The following GPC5 variants were observed in gnomAD, a reference collection of about 807,000 sequenced individuals.
The protein encoded by GPC5 is glypican 5.
In GPC5, 47 loss-of-function variants were observed where a neutral mutation model predicts 53.9. The observed-to-expected ratio is 0.87, with a 90% CI of 0.69 to 1.11. The LOEUF (loss-of-function observed/expected upper bound fraction) is 1.11. Ranked by LOEUF, GPC5 falls within the 50% of genes most tolerant of loss-of-function variation. The pLI is 0.00. For missense variants in GPC5, 748 were observed against 713.1 expected (o/e 1.05, Z -0.56); for synonymous variants, 286 against 263.3 (o/e 1.09, Z -0.84).
At chr13:92,804,428 T>C (rs1877019629) in intron 7 of GPC5, among the ~76,000 whole-genome samples, 2 of 152,020 alleles carry the variant, frequency 1.3e-5, no homozygotes, top group African/African-American at 4.8e-5. Flanking sequence ...ATTTTCGGTT[T>C]CCTCATGCAT....
intron 2 of GPC5, among the ~76,000 whole-genome samples, chr13:91,679,762 G>A (rs2035464937): frequency 6.6e-6 from 1 of 152,076 alleles, no homozygotes; most frequent in South Asian, 2.1e-4. Flanking sequence ...AAAAATTATT[G>A]ACTGTTAAAT....
intron 6 of GPC5, among the ~76,000 whole-genome samples, chr13:91,968,589 G>A (rs2040211885): frequency 6.6e-6 from 1 of 151,926 alleles, no homozygotes; most frequent in Non-Finnish European, 1.5e-5. Flanking sequence ...AGCCTCCCAA[G>A]TATCTGGGAC....
At chr13:91,654,250 C>T (rs2034792609) in intron 2 of GPC5, among the ~76,000 whole-genome samples, 1 of 152,104 alleles carries the variant, frequency 6.6e-6, no homozygotes, top group Non-Finnish European at 1.5e-5. Flanking sequence ...TTTAAAATTG[C>T]ACATAGATCC....
rs1435627343 is a variant in GPC5 at position 92,474,416 on chromosome 13, A to G, written c.1561+329427A>G. ...TGTGTTACGGTGGCCATTTGCATTT[A>G]TTTCAGATACTGATCGGGAGGAGTC... On this transcript the variant is annotated intron_variant, in intron 7 of 7. Transcript: ENST00000377067. 1.5e-4 allele frequency among the ~76,000 whole-genome samples: 23 copies of G among 152,064 alleles called. 1 individual carries two copies. The highest frequency in any genetic ancestry group is 1.5e-3 in the Admixed American group (23 of 15,232).
At chr13:92,369,611 A>T (rs2043634227) in intron 7 of GPC5, among the ~76,000 whole-genome samples, 1 of 152,220 alleles carries the variant, frequency 6.6e-6, no homozygotes, top group Non-Finnish European at 1.5e-5. Context: ...ATTGTAGGAA[A>T]ACTGCTTTAT....
intron 7 of GPC5, among the ~76,000 whole-genome samples, chr13:92,557,728 A>G (rs1410816591): frequency 6.6e-6 from 1 of 151,924 alleles, no homozygotes; most frequent in Non-Finnish European, 1.5e-5. Flanking sequence ...CTGAATGCCT[A>G]CTTCCACTAA....
At chr13:91,814,987 G>A (rs1276280201) in intron 5 of GPC5, among the ~76,000 whole-genome samples, 1 of 152,142 alleles carries the variant, frequency 6.6e-6, no homozygotes, top group African/African-American at 2.4e-5. Flanking sequence ...GAGTCTGAAT[G>A]TGGAAATTAA....
At chr13:92,540,220 G>A (rs563837021) in intron 7 of GPC5, among the ~76,000 whole-genome samples, 68 of 152,010 alleles carry the variant, frequency 4.5e-4, no homozygotes, top group Admixed American at 4.4e-3. Flanking sequence ...ATGTGGCAAC[G>A]TATATGAAGA....
chr13:92,297,565 T>C (rs1011599740), intron 7 of GPC5, among the ~76,000 whole-genome samples: 8 of 152,030 alleles, frequency 5.3e-5, no homozygotes, highest in African/African-American at 1.7e-4. Context: ...ACTCTGTATC[T>C]AGCTGCTCTG....
At chr13:92,240,374 A>G (rs1331570886) in intron 7 of GPC5, 3 of 152,128 alleles carry the variant, frequency 2.0e-5, no homozygotes, top group African/African-American at 7.2e-5. Context: ...TATATTGACT[A>G]TGAAGCCTCT....
At chr13:92,834,059 G>T (rs113975871) in intron 7 of GPC5, among the ~76,000 whole-genome samples, 63 of 152,224 alleles carry the variant, frequency 4.1e-4, no homozygotes, top group African/African-American at 1.4e-3. Flanking sequence ...CTGGATTAGG[G>T]TAATGGCAGT....
intron 4 of GPC5, among the ~76,000 whole-genome samples, chr13:91,747,080 T>C (rs970194961): frequency 1.3e-5 from 2 of 152,220 alleles, no homozygotes; most frequent in Non-Finnish European, 2.9e-5. Flanking sequence ...GGAAAGACTA[T>C]GGAAGGACAG....
Position 92,313,484 on chromosome 13 carries a change from GAAAT to G in GPC5, c.1561+168498_1561+168501del, listed in dbSNP as rs532808543. 1.6e-4 allele frequency among the ~76,000 whole-genome samples: 24 copies of G among 152,300 alleles called. No homozygotes were observed. The East Asian group carries it at 4.6e-3, about 29-fold the overall frequency. On this transcript the variant is annotated intron_variant, in intron 7 of 7. Transcript: ENST00000377067. ...ACAAAGCAACATAGCAGAAATGAGA[GAAAT>G]AATTACTAAAACAAAATGATGTATC... is the stretch of plus-strand genomic sequence containing the variant.
intron 5 of GPC5, among the ~76,000 whole-genome samples, chr13:91,790,057 C>T (rs901082345): frequency 4.6e-5 from 7 of 152,136 alleles, no homozygotes; most frequent in East Asian, 3.9e-4. Flanking sequence ...ATCTTAAAGG[C>T]GCCACCTCCC....
chr13:91,890,648 T>A (rs1566325835), intron 5 of GPC5, among the ~76,000 whole-genome samples: 2 of 152,366 alleles, frequency 1.3e-5, no homozygotes, highest in African/African-American at 4.8e-5. Flanking sequence ...TGGGCCAGCA[T>A]TATTCTGTTA....
intron 7 of GPC5, among the ~76,000 whole-genome samples, chr13:92,280,768 G>A (rs761427622): frequency 3.3e-5 from 5 of 152,074 alleles, no homozygotes; most frequent in South Asian, 2.1e-4. Context: ...TGCGGGGGGC[G>A]GTTGCAAGAT....
At chr13:91,429,925 G>A (rs1433455994) in intron 1 of GPC5, among the ~76,000 whole-genome samples, 1 of 152,148 alleles carries the variant, frequency 6.6e-6, no homozygotes, top group African/African-American at 2.4e-5. Flanking sequence ...AGAGCTTTAA[G>A]CTGGGATAGC....
intron 5 of GPC5, among the ~76,000 whole-genome samples, chr13:91,874,799 TA>T (rs2138937870): frequency 6.6e-6 from 1 of 152,330 alleles, no homozygotes; most frequent in Admixed American, 6.5e-5. Flanking sequence ...ATGGCCTTTT[TA>T]TCTTATGTTG....
At chr13:91,883,740 T>A (rs577620878) in intron 5 of GPC5, among the ~76,000 whole-genome samples, 11 of 152,322 alleles carry the variant, frequency 7.2e-5, no homozygotes, top group Non-Finnish European at 1.3e-4. Flanking sequence ...CTTTGACTGT[T>A]CCTCAAACTG....
Sources: allele counts gnomAD v4.1 joint callset (sites outside exome capture counted in the v4.1 genomes callset), GRCh38; gene constraint gnomAD v4.1.1; transcripts MANE v1.5; gene names NCBI Gene and HGNC (gene_info 2026-07-23, HGNC 2026-07-21).